ALDH1A3: variants seen among roughly 807,000 people sequenced by gnomAD.
ALDH1A3 encodes the protein aldehyde dehydrogenase 1 family member A3.
ALDH1A3 carries 28 observed loss-of-function variants against 57.5 expected under a neutral mutation model. That is an observed-to-expected ratio of 0.49 (90% CI 0.36 to 0.67). ALDH1A3 has a LOEUF of 0.67. Ranked by LOEUF, ALDH1A3 falls within the 30% of genes least tolerant of loss-of-function variation. The probability of loss-of-function intolerance (pLI) is 0.00; values close to 1 mark genes in which losing one functional copy is unlikely to be tolerated. For synonymous variants in ALDH1A3, 281 were observed against 264.8 expected (o/e 1.06, Z -0.59); for missense variants, 507 against 669.4 (o/e 0.76, Z 2.68).
chr15:100,905,631 A>G lies in ALDH1A3; in HGVS notation c.1177A>G (p.Ile393Val), dbSNP rs1323841997. ...GSAMEDKGLFIKPTVFSEVTD... is the reference protein window; with the variant it reads ...GSAMEDKGLFVKPTVFSEVTD... ...AGCCATGGAAGACAAGGGGCTCTTC[A>G]TCAAACCCACTGTCTTCTCAGAAGT... The change falls in exon 10 of 13, where the codon ATC (isoleucine) becomes GTC (valine). Residue 393 changes from isoleucine (I) to valine (V), a missense_variant. Ile to Val is a conservative substitution (Grantham distance 29). Coordinates refer to ENST00000329841, the MANE Select transcript of ALDH1A3 (RefSeq NM_000693.4). The G allele has an allele frequency of 1.9e-6, 3 of 1,611,916 alleles. No homozygotes were observed. Among genetic ancestry groups the G allele is most frequent in the African/African-American group, 2.7e-5 (2 of 74,832 alleles).
intron 9 of ALDH1A3, 86 bp from the exon 10 acceptor site, chr15:100,905,437 G>T (rs1054890749): frequency 1.3e-6 from 2 of 1,520,730 alleles, no homozygotes; most frequent in African/African-American, 1.4e-5. Flanking sequence ...GAGGATGGCT[G>T]ATCATGTTGA....
chr15:100,904,204 C>G (rs1366766592), intron 9 of ALDH1A3, among the ~76,000 whole-genome samples: 1 of 151,292 alleles, frequency 6.6e-6, no homozygotes, highest in African/African-American at 2.4e-5. Flanking sequence ...GGAGTTTGGC[C>G]TGGTATAAGG....
At chr15:100,883,651 T>G (rs1240027337) in intron 1 of ALDH1A3, among the ~76,000 whole-genome samples, 210 of 150,876 alleles carry the variant, frequency 1.4e-3, no homozygotes, top group African/African-American at 4.9e-3. Flanking sequence ...TTTGTGGGTT[T>G]TTTTTTTTTT....
chr15:100,883,762 C>T (rs1240190932), intron 1 of ALDH1A3, among the ~76,000 whole-genome samples: 1 of 152,016 alleles, frequency 6.6e-6, no homozygotes, highest in Admixed American at 6.6e-5. Flanking sequence ...CATGGATCAA[C>T]CCATCACCCA....
chr15:100,886,977 C>T (rs932642988), intron 2 of ALDH1A3, among the ~76,000 whole-genome samples: 18 of 152,318 alleles, frequency 1.2e-4, no homozygotes, highest in African/African-American at 4.3e-4. Context: ...ACAGCAGGCT[C>T]GTGTGCGTTC....
At chr15:100,914,027 C>T (rs2041907454) in intron 12 of ALDH1A3, 2 of 152,272 alleles carry the variant, frequency 1.3e-5, no homozygotes, top group East Asian at 1.9e-4. Context: ...GGAAGGATCA[C>T]CTGAGCCCTG....
rs1596201948 is a variant in ALDH1A3 at position 100,879,865 on chromosome 15, G to A, written c.-43G>A. 2 of 1,304,840 alleles carry A rather than the reference G, an allele frequency of 1.5e-6. No homozygotes were observed. Among genetic ancestry groups the A allele is most frequent in the Non-Finnish European group, 2.0e-6 (2 of 1,016,578 alleles). 80.8% of individuals were successfully genotyped at this position (1,304,840 alleles called of 1,614,324 possible). ...CGCAGTGTCCGGGCCGAGCCGGTGC[G>A]CCGCAGACTAGGGCGCCTCGGGCCA... On this transcript the variant is annotated 5_prime_UTR_variant, in exon 1 of 13. Coordinates refer to ENST00000329841, the MANE Select transcript of ALDH1A3 (RefSeq NM_000693.4).
intron 4 of ALDH1A3, 94 bp from the exon 5 acceptor site, chr15:100,892,851 C>A: frequency 7.0e-7 from 1 of 1,422,560 alleles, no homozygotes; most frequent in Non-Finnish European, 9.7e-7. Flanking sequence ...GAATCTGGCA[C>A]CCTTGTTGGT....
At chr15:100,882,070 C>T (rs1404971629) in intron 1 of ALDH1A3, among the ~76,000 whole-genome samples, 1 of 152,172 alleles carries the variant, frequency 6.6e-6, no homozygotes, top group Non-Finnish European at 1.5e-5. Flanking sequence ...AGGTGGGTGG[C>T]CTGGCAGGAG....
chr15:100,881,587 CT>C, intron 1 of ALDH1A3: 1 of 152,146 alleles, frequency 6.6e-6, no homozygotes, highest in Admixed American at 6.5e-5. Context: ...TTTTAGGACA[CT>C]TTTAAAGTGT....
chr15:100,885,290 C>T lies in ALDH1A3; in HGVS notation c.123C>T (p.His41=), dbSNP rs2229182. ...FTKIFINNEW[H]ESKSGKKFAT... is the part of the protein sequence containing the mutation. Reference sequence around the variant, plus strand: ...AGATATTTATCAACAATGAATGGCACGAATCCAAGAGTGGGAAAAAGTTTG... The same window carrying T: ...AGATATTTATCAACAATGAATGGCATGAATCCAAGAGTGGGAAAAAGTTTG... Residue 41 remains histidine (H), a synonymous_variant, in exon 2 of 13, where the codon CAC becomes CAT. Coordinates refer to ENST00000329841, the MANE Select transcript of ALDH1A3 (RefSeq NM_000693.4). 9.9e-6 allele frequency: 16 copies of T among 1,613,390 alleles called. No individual in the cohort carries two copies. Among genetic ancestry groups the T allele is most frequent in the Non-Finnish European group, 1.3e-5 (15 of 1,179,370 alleles).
intron 12 of ALDH1A3, chr15:100,913,994 C>G (rs2141578021): frequency 6.6e-6 from 1 of 152,396 alleles, no homozygotes; most frequent in East Asian, 1.9e-4. Context: ...GGAAGCTACC[C>G]TGAAGACGGC....
chr15:100,886,664 G>A (rs913974410), intron 2 of ALDH1A3, among the ~76,000 whole-genome samples: 1 of 152,120 alleles, frequency 6.6e-6, no homozygotes, highest in Non-Finnish European at 1.5e-5. Flanking sequence ...GATGAATGTG[G>A]CCCATTTTCC....
At chr15:100,892,297 T>G in intron 3 of ALDH1A3, 2 of 598,800 alleles carry the variant, frequency 3.3e-6, no homozygotes, top group East Asian at 3.5e-5. Flanking sequence ...GCAGCCCACT[T>G]TAGGTGTTTT....
intron 12 of ALDH1A3, among the ~76,000 whole-genome samples, chr15:100,912,316 T>G (rs2041889425): frequency 6.6e-6 from 1 of 152,244 alleles, no homozygotes; most frequent in Non-Finnish European, 1.5e-5. Context: ...ATTTTCACAC[T>G]TATTGGTAAT....
At chr15:100,897,199 C>T (rs2041713514) in intron 7 of ALDH1A3, among the ~76,000 whole-genome samples, 1 of 152,236 alleles carries the variant, frequency 6.6e-6, no homozygotes. Context: ...ATTCAGCCAT[C>T]ACCCATGAGC....
chr15:100,892,558 A>T lies in ALDH1A3; in HGVS notation c.394A>T (p.Ile132Phe). The T allele has an allele frequency of 6.2e-7, 1 of 1,613,170 alleles. No individual in the cohort carries two copies. The highest frequency in any genetic ancestry group is 8.5e-7 in the Non-Finnish European group (1 of 1,179,718). ...TGKPFLHAFFIDLEGCIRTLR... is the reference protein window; with the variant it reads ...TGKPFLHAFFFDLEGCIRTLR... The stretch of plus-strand genomic sequence containing the variant: ...GAAGCCATTTCTTCATGCTTTTTTC[A>T]TCGACCTGGAGGGCTGTATTAGAAC... Residue 132 changes from isoleucine to phenylalanine, a missense_variant, in exon 4 of 13, where the codon ATC becomes TTC. By Grantham distance (21) the Ile-to-Phe change is conservative. Coordinates refer to ENST00000329841, the MANE Select transcript of ALDH1A3 (RefSeq NM_000693.4).
intron 1 of ALDH1A3, among the ~76,000 whole-genome samples, chr15:100,884,761 C>T (rs916787988): frequency 1.2e-4 from 19 of 152,012 alleles, no homozygotes; most frequent in African/African-American, 4.3e-4. Context: ...GTGAGATCCT[C>T]CTCAAAGTGA....
At position 100,889,378 on chromosome 15, in the gene ALDH1A3, CGAGCT is replaced by C. The variant is rs2041626989; in HGVS notation, c.345+1667_345+1671del. ...CTAAGGGTGCATCCACACAGAAACT[CGAGCT>C]CCCCTTCCTTCCTTCCCAGTCAGCC... On this transcript the variant is annotated intron_variant, in intron 3 of 12. Coordinates refer to ENST00000329841, the MANE Select transcript of ALDH1A3 (RefSeq NM_000693.4). The surrounding 1 kb of genome is among the most constrained non-coding windows in gnomAD (Gnocchi z 5.1). Among the ~76,000 whole-genome samples the C allele has an allele frequency of 6.6e-6, 1 of 152,084 alleles. No homozygotes were observed. Among genetic ancestry groups the C allele is most frequent in the Non-Finnish European group, 1.5e-5 (1 of 68,018 alleles).
Sources: gnomAD v4.1 joint callset for allele counts (sites outside exome capture counted in the v4.1 genomes callset) on GRCh38, gnomAD v4.1.1 for gene constraint, Gnocchi (gnomAD v3.1) non-coding constraint, MANE v1.5 for transcripts, NCBI Gene and HGNC (gene_info 2026-07-23, HGNC 2026-07-21) for gene names.